The following MSI2 variants were observed in gnomAD, a reference collection of about 807,000 sequenced individuals.
MSI2 encodes RNA-binding protein Musashi homolog 2.
In MSI2, 17 loss-of-function variants were observed where a neutral mutation model predicts 45.6. The observed-to-expected ratio is 0.37, with a 90% CI of 0.26 to 0.56. The LOEUF is 0.56. Among genes scored for constraint, MSI2 ranks in the 20% least tolerant of loss-of-function variants. The pLI, the probability that MSI2 is intolerant of heterozygous loss-of-function variation, is 0.77. For synonymous variants in MSI2, 156 were observed against 158.2 expected, an observed-to-expected ratio of 0.99 and a Z score of 0.11; for missense variants, 293 against 444.2, an observed-to-expected ratio of 0.66 and a Z score of 3.06.
intron 13 of MSI2, among the ~76,000 whole-genome samples, chr17:57,679,265 C>G (rs756836227): frequency 6.6e-6 from 1 of 152,226 alleles, no homozygotes; most frequent in Non-Finnish European, 1.5e-5. Flanking sequence ...CCACCACTAC[C>G]TCAACAACCC....
At chr17:57,323,560 C>T (rs994957292) in intron 5 of MSI2, among the ~76,000 whole-genome samples, 6 of 152,252 alleles carry the variant, frequency 3.9e-5, no homozygotes, top group South Asian at 4.1e-4. Flanking sequence ...GGTGCTCCTG[C>T]GTCCCTGGCA....
chr17:57,367,485 A>T (rs1047089057), intron 5 of MSI2, among the ~76,000 whole-genome samples: 1 of 152,138 alleles, frequency 6.6e-6, no homozygotes, highest in African/African-American at 2.4e-5. Context: ...AGGATTCAGG[A>T]AGACTCTTGG....
intron 5 of MSI2, among the ~76,000 whole-genome samples, chr17:57,353,717 T>C (rs1456801331): frequency 6.6e-6 from 1 of 152,176 alleles, no homozygotes; most frequent in East Asian, 1.9e-4. Context: ...ATTTTTTCCT[T>C]GGGTCTCAGA....
intron 5 of MSI2, among the ~76,000 whole-genome samples, chr17:57,323,008 G>A (rs996329208): frequency 6.6e-6 from 1 of 151,802 alleles, no homozygotes; most frequent in African/African-American, 2.4e-5. Context: ...GGGGCGGGGA[G>A]CATATTGGTG....
intron 11 of MSI2, among the ~76,000 whole-genome samples, chr17:57,674,097 C>T (rs72834969): frequency 6.6e-6 from 1 of 151,918 alleles, no homozygotes; most frequent in Non-Finnish European, 1.5e-5. Context: ...CCCATCCCTC[C>T]CTCCATCCCC....
intron 6 of MSI2, among the ~76,000 whole-genome samples, chr17:57,501,431 G>C (rs2086104631): frequency 6.6e-6 from 1 of 152,178 alleles, no homozygotes; most frequent in Admixed American, 6.5e-5. Context: ...CATCAGTAAG[G>C]ACCTGTCTCA....
At chr17:57,377,220 C>A (rs1283917388) in intron 5 of MSI2, among the ~76,000 whole-genome samples, 2 of 152,068 alleles carry the variant, frequency 1.3e-5, no homozygotes, top group African/African-American at 4.8e-5. Flanking sequence ...GTGCCCGGCC[C>A]ACAAATACTT....
intron 10 of MSI2, chr17:57,629,248 G>C (rs1284546588): frequency 6.6e-6 from 1 of 152,216 alleles, no homozygotes; most frequent in African/African-American, 2.4e-5. Flanking sequence ...GGCCAACATG[G>C]TGAAACCCCG....
At chr17:57,559,918 C>T (rs973645218) in intron 7 of MSI2, among the ~76,000 whole-genome samples, 4 of 152,240 alleles carry the variant, frequency 2.6e-5, no homozygotes, top group African/African-American at 9.6e-5. Flanking sequence ...CTGGGCCGGG[C>T]CACCTGTGCA....
chr17:57,369,510 A>C (rs150591928), intron 5 of MSI2, among the ~76,000 whole-genome samples: 65 of 152,338 alleles, frequency 4.3e-4, no homozygotes, highest in Middle Eastern at 3.4e-3. Flanking sequence ...CCTGTTGATG[A>C]ATAATTCATT....
At chr17:57,346,991 C>T (rs1036803091) in intron 5 of MSI2, among the ~76,000 whole-genome samples, 2 of 152,134 alleles carry the variant, frequency 1.3e-5, no homozygotes, top group Non-Finnish European at 2.9e-5. Context: ...TGTGTGTGCA[C>T]AGTTTACATT....
chr17:57,562,093 T>C (rs1340152351), intron 7 of MSI2, among the ~76,000 whole-genome samples: 1 of 152,224 alleles, frequency 6.6e-6, no homozygotes. Flanking sequence ...GAGCCTGATA[T>C]ATAGAAGTGT....
intron 6 of MSI2, among the ~76,000 whole-genome samples, chr17:57,494,653 A>T (rs1381957945): frequency 2.6e-5 from 4 of 152,102 alleles, no homozygotes; most frequent in Non-Finnish European, 1.5e-5. Context: ...TCTTTAATTT[A>T]ATCCTCTCAG....
At chr17:57,566,533 A>G (rs566241110) in intron 7 of MSI2, among the ~76,000 whole-genome samples, 97 of 152,244 alleles carry the variant, frequency 6.4e-4, no homozygotes, top group Non-Finnish European at 1.3e-3. Context: ...TCCTGCGTTT[A>G]CCTGTGCAGA....
At chr17:57,616,205 G>C in intron 9 of MSI2, 121 bp downstream of exon 9, 1 of 682,960 alleles carries the variant, frequency 1.5e-6, no homozygotes, top group Non-Finnish European at 2.6e-6. Context: ...CAGTTTCCTT[G>C]TCTGTAGATG....
intron 5 of MSI2, chr17:57,266,705 G>A (rs570956406): frequency 5.3e-5 from 8 of 152,352 alleles, no homozygotes; most frequent in African/African-American, 1.7e-4. Flanking sequence ...ATGGTGAAAT[G>A]ACTGAAGGAA....
chr17:57,616,158 C>G, intron 9 of MSI2, 74 bp downstream of exon 9: 1 of 1,142,336 alleles, frequency 8.8e-7, no homozygotes, highest in Non-Finnish European at 1.3e-6. Context: ...ACTGGGTCAC[C>G]TACCAGTGGG....
intron 7 of MSI2, among the ~76,000 whole-genome samples, chr17:57,556,408 A>G (rs753807848): frequency 2.6e-5 from 4 of 152,212 alleles, no homozygotes; most frequent in Non-Finnish European, 5.9e-5. Context: ...ACATCTAATT[A>G]TTTCCCTGAG....
intron 5 of MSI2, among the ~76,000 whole-genome samples, chr17:57,357,429 C>CA (rs546955782): frequency 2.0e-3 from 307 of 152,244 alleles, no homozygotes; most frequent in African/African-American, 7.2e-3. Flanking sequence ...GAGCTGGATC[C>CA]AGCCACTTGA....
Sources: gnomAD v4.1 joint callset for allele counts (sites outside exome capture counted in the v4.1 genomes callset) on GRCh38, gnomAD v4.1.1 for gene constraint, MANE v1.5 for transcripts, NCBI Gene and HGNC (gene_info 2026-07-23, HGNC 2026-07-21) for gene names.